Variants in MARCHF1 observed in about 807,000 individuals in gnomAD.
MARCHF1 encodes E3 ubiquitin-protein ligase MARCHF1.
MARCHF1 carries 40 observed loss-of-function variants against 54.2 expected under a neutral mutation model. The ratio of observed to expected loss-of-function variants is 0.74; its 90% confidence interval spans 0.57 to 0.96. The LOEUF is 0.96. Ranked by LOEUF, MARCHF1 falls within the 40% of genes least tolerant of loss-of-function variation. MARCHF1 has a pLI of 0.00. For synonymous variants in MARCHF1, 236 were observed against 236.3 expected (o/e 1.00, Z 0.01); for missense variants, 586 against 656.5 (o/e 0.89, Z 1.17).
At chr4:164,352,335 G>GA (rs1173916491) in intron 1 of MARCHF1, among the ~76,000 whole-genome samples, 3 of 117,048 alleles carry the variant, frequency 2.6e-5, no homozygotes, top group Non-Finnish European at 3.7e-5. Context: ...TGAAATGAAG[G>GA]AAAAAATGTT....
intron 7 of MARCHF1, among the ~76,000 whole-genome samples, chr4:163,588,046 G>C (rs1401674826): frequency 6.6e-6 from 1 of 151,972 alleles, no homozygotes; most frequent in Non-Finnish European, 1.5e-5. Context: ...AAAACAGTAT[G>C]GCAGACTACA....
intron 1 of MARCHF1, among the ~76,000 whole-genome samples, chr4:164,369,544 G>C (rs1486032083): frequency 6.6e-6 from 1 of 151,976 alleles, no homozygotes; most frequent in Non-Finnish European, 1.5e-5. Context: ...TTATCAAGTT[G>C]TTATAATCAC....
chr4:164,109,062 G>A (rs1211857500), intron 2 of MARCHF1, among the ~76,000 whole-genome samples: 2 of 152,068 alleles, frequency 1.3e-5, no homozygotes, highest in Middle Eastern at 3.4e-3. Flanking sequence ...ACAATTATTC[G>A]ACTGGGACCA....
chr4:163,665,686 A>G (rs930015969), intron 5 of MARCHF1, among the ~76,000 whole-genome samples: 2 of 152,138 alleles, frequency 1.3e-5, no homozygotes, highest in Admixed American at 6.5e-5. Context: ...GTTTTCTTTC[A>G]TAACAAAGAA....
chr4:163,689,354 T>C (rs1744369528), intron 5 of MARCHF1, among the ~76,000 whole-genome samples: 1 of 152,212 alleles, frequency 6.6e-6, no homozygotes, highest in Admixed American at 6.5e-5. Flanking sequence ...CACCATTCAC[T>C]TCTTCCTAGA....
At chr4:164,322,915 T>A (rs114205591) in intron 1 of MARCHF1, among the ~76,000 whole-genome samples, 185 of 152,038 alleles carry the variant, frequency 1.2e-3, no homozygotes, top group African/African-American at 4.3e-3. Flanking sequence ...CTAAATATGA[T>A]TGCTAAATAT....
At chr4:163,921,012 C>A (rs78755092) in intron 3 of MARCHF1, among the ~76,000 whole-genome samples, 1 of 152,040 alleles carries the variant, frequency 6.6e-6, no homozygotes, top group African/African-American at 2.4e-5. Context: ...TTTGGAAAAA[C>A]GTACAATTTG....
At chr4:163,987,072 T>C (rs1260041316) in intron 3 of MARCHF1, among the ~76,000 whole-genome samples, 4 of 152,194 alleles carry the variant, frequency 2.6e-5, no homozygotes, top group African/African-American at 4.8e-5. Context: ...CTATACCTAT[T>C]TGCAGAATTG....
intron 3 of MARCHF1, among the ~76,000 whole-genome samples, chr4:163,981,104 T>C (rs1579438345): frequency 2.0e-5 from 3 of 152,164 alleles, no homozygotes. Flanking sequence ...CATTATCTGT[T>C]TCCTGCAGCG....
chr4:163,962,251 T>A (rs141643656), intron 3 of MARCHF1, among the ~76,000 whole-genome samples: 2 of 151,980 alleles, frequency 1.3e-5, no homozygotes, highest in East Asian at 3.9e-4. Context: ...TCTTAGACAC[T>A]AAAAGTGCAA....
intron 3 of MARCHF1, among the ~76,000 whole-genome samples, chr4:163,970,504 AATGG>A (rs1752527201): frequency 6.6e-6 from 1 of 152,232 alleles, no homozygotes; most frequent in Non-Finnish European, 1.5e-5. Flanking sequence ...TACATAGATG[AATGG>A]ATGGATGAAC....
intron 2 of MARCHF1, among the ~76,000 whole-genome samples, chr4:164,011,580 C>T (rs889269295): frequency 6.6e-6 from 1 of 152,222 alleles, no homozygotes; most frequent in Admixed American, 6.5e-5. Flanking sequence ...CAAATATCAT[C>T]TCATCCCAGT....
At chr4:164,061,787 T>C (rs1487655870) in intron 2 of MARCHF1, among the ~76,000 whole-genome samples, 6 of 152,070 alleles carry the variant, frequency 3.9e-5, no homozygotes, top group Non-Finnish European at 7.3e-5. Context: ...TTGATAAAAA[T>C]AATAATGATT....
intron 4 of MARCHF1, among the ~76,000 whole-genome samples, chr4:163,756,945 T>C (rs1188443151): frequency 2.6e-5 from 4 of 152,106 alleles, no homozygotes; most frequent in Non-Finnish European, 5.9e-5. Context: ...TTAAATTTAT[T>C]TCTTCAGAAA....
intron 2 of MARCHF1, among the ~76,000 whole-genome samples, chr4:164,076,366 A>G (rs1010159215): frequency 1.2e-4 from 18 of 152,218 alleles, no homozygotes; most frequent in Non-Finnish European, 2.2e-4. Context: ...ACTGTCAATA[A>G]ACTAGGTATT....
intron 4 of MARCHF1, among the ~76,000 whole-genome samples, chr4:163,827,853 G>A (rs1004116582): frequency 7.9e-5 from 12 of 151,880 alleles, no homozygotes; most frequent in African/African-American, 1.9e-4. Flanking sequence ...TTTTCTTGAC[G>A]GGAAACTTTC....
intron 2 of MARCHF1, among the ~76,000 whole-genome samples, chr4:164,070,428 G>A (rs752502944): frequency 1.5e-4 from 23 of 152,210 alleles, no homozygotes; most frequent in Non-Finnish European, 2.6e-4. Flanking sequence ...TTACCAGAAC[G>A]TATATACAAC....
intron 5 of MARCHF1, among the ~76,000 whole-genome samples, chr4:163,620,925 G>C (rs1445600776): frequency 6.6e-6 from 1 of 152,132 alleles, no homozygotes; most frequent in Non-Finnish European, 1.5e-5. Context: ...TGGTCACGTT[G>C]ATGATGTCAT....
At chr4:164,141,090 C>G (rs10028466) in intron 1 of MARCHF1, among the ~76,000 whole-genome samples, 9,628 of 152,168 alleles carry the variant, frequency 0.063, 960 homozygotes, top group African/African-American at 0.22. Flanking sequence ...AGATCACTTG[C>G]TGACTTTATC....
Sources: allele counts gnomAD v4.1 joint callset (sites outside exome capture counted in the v4.1 genomes callset), GRCh38; gene constraint gnomAD v4.1.1; transcripts MANE v1.5; gene names NCBI Gene and HGNC (gene_info 2026-07-23, HGNC 2026-07-21).